Variants in VWC2L observed in about 807,000 individuals in gnomAD.
VWC2L encodes von Willebrand factor C domain containing 2 like, also known as von Willebrand factor C domain-containing protein 2-like.
A neutral mutation model predicts 21.6 loss-of-function variants in VWC2L; 10 were observed. The ratio of observed to expected loss-of-function variants is 0.46; its 90% CI spans 0.29 to 0.78. The LOEUF (loss-of-function observed/expected upper bound fraction) is 0.78, where lower values mean the gene tolerates loss of function less well. Ranked by LOEUF, VWC2L falls within the 30% of genes least tolerant of loss-of-function variation. The pLI is 0.10. For synonymous variants in VWC2L, 96 were observed against 94.3 expected, an observed-to-expected ratio of 1.02 and a Z score of -0.10; for missense variants, 209 against 277.1, an observed-to-expected ratio of 0.75 and a Z score of 1.74.
At chr2:214,555,571 A>T (rs2105926977) in intron 3 of VWC2L, among the ~76,000 whole-genome samples, 1 of 152,328 alleles carries the variant, frequency 6.6e-6, no homozygotes, top group South Asian at 2.1e-4. Flanking sequence ...AACTATTCTT[A>T]ATAGTTTAAA....
intron 3 of VWC2L, among the ~76,000 whole-genome samples, chr2:214,537,912 T>G (rs1020725670): frequency 1.3e-5 from 2 of 151,586 alleles, no homozygotes; most frequent in African/African-American, 4.8e-5. Flanking sequence ...TTTTTTTTTT[T>G]TTTTTGGTGG....
At chr2:214,499,009 C>CTTTTTTTTTTTT (rs56085205) in intron 3 of VWC2L, among the ~76,000 whole-genome samples, 10 of 83,416 alleles carry the variant, frequency 1.2e-4, no homozygotes, top group African/African-American at 6.1e-4. Context: ...TCGTACCATT[C>CTTTTTTTTTTTT]TTTTTTTTTT....
chr2:214,513,321 C>T (rs1689086820), intron 3 of VWC2L, among the ~76,000 whole-genome samples: 2 of 152,040 alleles, frequency 1.3e-5, no homozygotes, highest in African/African-American at 4.8e-5. Context: ...CAGAAACATC[C>T]AACAAAATCA....
At chr2:214,430,383 A>T (rs1253808021) in intron 2 of VWC2L, among the ~76,000 whole-genome samples, 1 of 152,154 alleles carries the variant, frequency 6.6e-6, no homozygotes, top group African/African-American at 2.4e-5. Flanking sequence ...CAGAAAAGGT[A>T]TTTGTTTTTT....
chr2:214,566,549 T>G (rs1249954564), intron 3 of VWC2L, among the ~76,000 whole-genome samples: 1 of 152,166 alleles, frequency 6.6e-6, no homozygotes, highest in South Asian at 2.1e-4. Flanking sequence ...GAAAACAATA[T>G]TTCCTGCATC....
chr2:214,562,396 A>T (rs1054396883), intron 3 of VWC2L, among the ~76,000 whole-genome samples: 3 of 152,188 alleles, frequency 2.0e-5, no homozygotes, highest in African/African-American at 7.2e-5. Context: ...TCTATCATTG[A>T]TAGGCATTTA....
intron 3 of VWC2L, among the ~76,000 whole-genome samples, chr2:214,560,308 T>G (rs979554286): frequency 6.6e-6 from 1 of 152,196 alleles, no homozygotes; most frequent in Admixed American, 6.5e-5. Context: ...TTATAAGGCA[T>G]TTTGTGTCTT....
At chr2:214,485,667 T>G (rs986218497) in intron 3 of VWC2L, among the ~76,000 whole-genome samples, 5 of 152,160 alleles carry the variant, frequency 3.3e-5, no homozygotes, top group Admixed American at 1.3e-4. Context: ...GGAAATATGC[T>G]TTCTTCTTCC....
chr2:214,414,983 T>C, intron 2 of VWC2L: 2 of 214,418 alleles, frequency 9.3e-6, no homozygotes, highest in Non-Finnish European at 1.8e-5. Flanking sequence ...TTTGAAGTCA[T>C]TTAACAATAT....
At chr2:214,517,483 C>T (rs1002545041) in intron 3 of VWC2L, among the ~76,000 whole-genome samples, 3 of 152,162 alleles carry the variant, frequency 2.0e-5, no homozygotes, top group African/African-American at 7.2e-5. Flanking sequence ...AGTAAATTAA[C>T]ATCTCTAGGC....
At chr2:214,455,460 G>A (rs1703042254) in intron 3 of VWC2L, among the ~76,000 whole-genome samples, 3 of 151,926 alleles carry the variant, frequency 2.0e-5, no homozygotes. Flanking sequence ...TTAATATATT[G>A]TCAAATGCAT....
intron 3 of VWC2L, among the ~76,000 whole-genome samples, chr2:214,536,006 T>C (rs1173357393): frequency 1.3e-5 from 2 of 152,068 alleles, no homozygotes; most frequent in Non-Finnish European, 2.9e-5. Context: ...CTTCCACATC[T>C]CTTTTTGGCA....
At chr2:214,506,985 A>AT (rs2105903771) in intron 3 of VWC2L, among the ~76,000 whole-genome samples, 1 of 151,770 alleles carries the variant, frequency 6.6e-6, no homozygotes, top group East Asian at 1.9e-4. Flanking sequence ...TTTTTAAAAA[A>AT]TGTTCTATGG....
intron 3 of VWC2L, among the ~76,000 whole-genome samples, chr2:214,482,608 AAG>A (rs1688619588): frequency 6.7e-6 from 1 of 149,836 alleles, no homozygotes; most frequent in Non-Finnish European, 1.5e-5. Flanking sequence ...TACCAGTTTG[AAG>A]AGAGAGAAAA....
chr2:214,514,189 G>C (rs1006370267), intron 3 of VWC2L, among the ~76,000 whole-genome samples: 1 of 151,102 alleles, frequency 6.6e-6, no homozygotes, highest in African/African-American at 2.4e-5. Context: ...TTTACTTAAC[G>C]TTTTAATTTT....
chr2:214,476,553 A>G (rs1287927705), intron 3 of VWC2L, among the ~76,000 whole-genome samples: 1 of 152,180 alleles, frequency 6.6e-6, no homozygotes, highest in African/African-American at 2.4e-5. Context: ...TAAAAAGATT[A>G]CTTGTAGTTA....
At chr2:214,565,293 T>C (rs993376454) in intron 3 of VWC2L, among the ~76,000 whole-genome samples, 3 of 152,216 alleles carry the variant, frequency 2.0e-5, no homozygotes, top group African/African-American at 7.2e-5. Context: ...TGCCTACTCT[T>C]TTATTGAGCT....
chr2:214,538,288 T>C lies in VWC2L; in HGVS notation c.521-37384T>C, dbSNP rs575437843. Among the ~76,000 whole-genome samples the C allele has an allele frequency of 4.6e-5, 7 of 152,140 alleles. No individual in the cohort carries two copies. The South Asian group carries it at 1.5e-3, about 32-fold the overall frequency. On this transcript the variant is annotated intron_variant, in intron 3 of 3. Coordinates refer to ENST00000312504, the MANE Select transcript of VWC2L (RefSeq NM_001080500.4). ...ACCAAATTACCACACTGAATAGACA[T>C]GTACATAGACAGTCTCCTACACACT...
intron 3 of VWC2L, among the ~76,000 whole-genome samples, chr2:214,573,262 C>T (rs561427923): frequency 2.0e-5 from 3 of 152,128 alleles, no homozygotes; most frequent in African/African-American, 7.2e-5. Context: ...CACACATACA[C>T]ACATACGCAC....
Sources: gnomAD v4.1 joint callset for allele counts (sites outside exome capture counted in the v4.1 genomes callset) on GRCh38, gnomAD v4.1.1 for gene constraint, MANE v1.5 for transcripts, NCBI Gene and HGNC (gene_info 2026-07-23, HGNC 2026-07-21) for gene names.